Variants in ITGB1 observed in about 807,000 individuals in gnomAD.
ITGB1 encodes the protein integrin beta-1.
ITGB1 carries 24 observed loss-of-function variants against 86.5 expected under a neutral mutation model. That is an observed-to-expected ratio of 0.28 (90% CI 0.20 to 0.39). The LOEUF (loss-of-function observed/expected upper bound fraction) is 0.39, where lower values mean the gene tolerates loss of function less well. Among genes scored for constraint, ITGB1 ranks in the 10% least tolerant of loss-of-function variants. ITGB1 has a pLI of 1.00. For missense variants in ITGB1, 556 were observed against 946.9 expected (o/e 0.59, Z 5.42); for synonymous variants, 323 against 316.8 (o/e 1.02, Z -0.21).
At chr10:32,957,255 T>C (rs2095054234) in intron 1 of ITGB1, among the ~76,000 whole-genome samples, 1 of 152,210 alleles carries the variant, frequency 6.6e-6, no homozygotes. Context: ...TGCAAAGTTT[T>C]GGACTCAAAA....
At chr10:32,951,052 G>T (rs1048752957) in intron 1 of ITGB1, among the ~76,000 whole-genome samples, 1 of 152,144 alleles carries the variant, frequency 6.6e-6, no homozygotes, top group African/African-American at 2.4e-5. Context: ...GGGGTAGGGG[G>T]AGGTAAAGCC....
chr10:32,933,605 A>G (rs1163736966), intron 2 of ITGB1: 1 of 152,216 alleles, frequency 6.6e-6, no homozygotes, highest in African/African-American at 2.4e-5. Flanking sequence ...ACAAGAGCAT[A>G]AAGAACCAAC....
chr10:32,913,903 G>A (rs1272038414), intron 11 of ITGB1, among the ~76,000 whole-genome samples: 4 of 152,150 alleles, frequency 2.6e-5, no homozygotes, highest in Non-Finnish European at 4.4e-5. Context: ...AAAATGTTAA[G>A]GGCAGCCAGA....
intron 1 of ITGB1, chr10:32,935,986 A>C: frequency 6.5e-6 from 1 of 154,752 alleles, no homozygotes; most frequent in Non-Finnish European, 1.4e-5. Flanking sequence ...CAGTTACCTC[A>C]ATGCTGAACA....
chr10:32,908,101 T>G (rs1047768243), intron 15 of ITGB1, among the ~76,000 whole-genome samples: 1 of 152,196 alleles, frequency 6.6e-6, no homozygotes, highest in Non-Finnish European at 1.5e-5. Context: ...AAAAGGCAGA[T>G]TTAGGATCAA....
intron 11 of ITGB1, among the ~76,000 whole-genome samples, chr10:32,913,156 T>C: frequency 6.6e-6 from 1 of 152,106 alleles, no homozygotes; most frequent in South Asian, 2.1e-4. Flanking sequence ...CAAAACCCCA[T>C]CTGTACATCA....
At chr10:32,929,792 G>A (rs770339589) in intron 4 of ITGB1, 30 bp downstream of exon 4, 8 of 1,239,482 alleles carry the variant, frequency 6.5e-6, no homozygotes, top group Admixed American at 1.7e-5. Context: ...AAGTAAACAC[G>A]CAGGTATTCA....
chr10:32,928,887 A>G (rs2094974114), intron 4 of ITGB1, among the ~76,000 whole-genome samples: 1 of 152,088 alleles, frequency 6.6e-6, no homozygotes, highest in South Asian at 2.1e-4. Flanking sequence ...CTTAGGAAAT[A>G]CAGGAGAGAG....
At chr10:32,952,680 A>G (rs897358513) in intron 1 of ITGB1, among the ~76,000 whole-genome samples, 1 of 152,168 alleles carries the variant, frequency 6.6e-6, no homozygotes, top group African/African-American at 2.4e-5. Context: ...TCGTATGTAA[A>G]TATTTTCCTC....
chr10:32,919,778 T>A, intron 11 of ITGB1, 107 bp downstream of exon 11: 2 of 942,942 alleles, frequency 2.1e-6, no homozygotes, highest in Non-Finnish European at 3.3e-6. Flanking sequence ...TTGGAAAAAA[T>A]AATTTGCTCC....
chr10:32,921,017 C>CCA (rs2094947962), intron 9 of ITGB1, among the ~76,000 whole-genome samples: 3 of 142,110 alleles, frequency 2.1e-5, no homozygotes, highest in Non-Finnish European at 3.1e-5. Context: ...AGAAACCCCC[C>CCA]AAAAAAAAAC....
chr10:32,926,662 G>A (rs930885814), intron 5 of ITGB1, among the ~76,000 whole-genome samples: 22 of 152,204 alleles, frequency 1.4e-4, no homozygotes, highest in Admixed American at 1.3e-3. Context: ...CATGCTTCCT[G>A]TAGAGCTTGC....
chr10:32,911,290 G>T (rs2094912438), intron 13 of ITGB1, among the ~76,000 whole-genome samples, 158 bp downstream of exon 13: 1 of 152,160 alleles, frequency 6.6e-6, no homozygotes, highest in African/African-American at 2.4e-5. Context: ...TAGCTGTTGA[G>T]AAAGAACTTT....
rs1257780569 is a variant in ITGB1 at position 32,920,046 on chromosome 10, T to C, written c.1308A>G (p.Pro436=). The change falls in exon 11 of 16, where the codon CCA becomes CCG. Residue 436 remains proline (P), a synonymous_variant. Transcript: ENST00000302278. ...FEISITSNKC[P]KKDSDSFKIR... The stretch of plus-strand genomic sequence containing the variant: ...TTTTAAAGCTGTCAGAATCCTTTTT[T>C]GGACACTTATTTGAAGTTATGCTAA... The C allele has an allele frequency of 1.2e-6, 2 of 1,614,136 alleles. No individual in the cohort carries two copies. Among genetic ancestry groups the C allele is most frequent in the Non-Finnish European group, 1.7e-6 (2 of 1,179,972 alleles).
intron 14 of ITGB1, among the ~76,000 whole-genome samples, chr10:32,908,983 A>G (rs920978446): frequency 9.9e-5 from 15 of 152,220 alleles, no homozygotes; most frequent in Admixed American, 5.2e-4. Flanking sequence ...TATAAACTCA[A>G]TGGTATCCCA....
intron 3 of ITGB1, among the ~76,000 whole-genome samples, chr10:32,931,311 G>A (rs2094982744): frequency 6.6e-6 from 1 of 151,992 alleles, no homozygotes; most frequent in Non-Finnish European, 1.5e-5. Flanking sequence ...AAAATTTTAA[G>A]GATTATGCTC....
At chr10:32,906,995 G>A in intron 15 of ITGB1, 2 of 701,062 alleles carry the variant, frequency 2.9e-6, no homozygotes, top group Non-Finnish European at 4.6e-6. Flanking sequence ...TAGTGATAAA[G>A]GACACACAGT....
intron 4 of ITGB1, among the ~76,000 whole-genome samples, chr10:32,928,541 GAAGAA>G (rs779574035): frequency 6.6e-6 from 1 of 152,140 alleles, no homozygotes; most frequent in South Asian, 2.1e-4. Flanking sequence ...GTTTATAAGA[GAAGAA>G]AACAAATAGA....
chr10:32,924,229 CT>C (rs1179089194), intron 6 of ITGB1, among the ~76,000 whole-genome samples: 2 of 152,102 alleles, frequency 1.3e-5, no homozygotes, highest in Admixed American at 6.6e-5. Context: ...ATGAGGCTTC[CT>C]TTTTTTATAA....
Sources: allele counts gnomAD v4.1 joint callset (sites outside exome capture counted in the v4.1 genomes callset), GRCh38; gene constraint gnomAD v4.1.1; transcripts MANE v1.5; gene names NCBI Gene and HGNC (gene_info 2026-07-23, HGNC 2026-07-21).